The following ACTR3C variants were observed in gnomAD, a reference collection of about 807,000 sequenced individuals.
ACTR3C encodes actin-related protein 3C.
ACTR3C carries 18 observed loss-of-function variants against 26.3 expected under a neutral mutation model. The observed-to-expected ratio is 0.68, with a 90% confidence interval of 0.47 to 1.01. The LOEUF (loss-of-function observed/expected upper bound fraction) is 1.01. Ranked by LOEUF, ACTR3C falls within the 50% of genes least tolerant of loss-of-function variation. The pLI is 0.00. For synonymous variants in ACTR3C, 55 were observed against 94.5 expected, an observed-to-expected ratio of 0.58 and a Z score of 2.42; for missense variants, 184 against 250.7, an observed-to-expected ratio of 0.73 and a Z score of 1.80.
chr7:150,286,242 T>A, intron 5 of ACTR3C, 125 bp downstream of exon 5: 1 of 1,279,026 alleles, frequency 7.8e-7, no homozygotes, highest in Non-Finnish European at 1.1e-6. Context: ...GCATGGGGGA[T>A]GCAGAGAGAC....
At chr7:150,207,484 G>A in the ACTR3C span, among the ~76,000 whole-genome samples, 9 of 152,246 alleles carry the variant, frequency 5.9e-5, no homozygotes, top group South Asian at 2.1e-4. Flanking sequence ...AGCACGGATC[G>A]ATGCTTGCTG....
At chr7:149,992,601 C>T in the ACTR3C span, among the ~76,000 whole-genome samples, 2 of 152,190 alleles carry the variant, frequency 1.3e-5, no homozygotes, top group Non-Finnish European at 2.9e-5. Context: ...GGTGACGCAT[C>T]TCCACGTGGA....
At chr7:150,147,191 A>G in the ACTR3C span, among the ~76,000 whole-genome samples, 1 of 152,198 alleles carries the variant, frequency 6.6e-6, no homozygotes, top group African/African-American at 2.4e-5. Context: ...TGAAAATATC[A>G]TTCCCTGAAG....
chr7:150,006,245 G>A, the ACTR3C span, among the ~76,000 whole-genome samples: 1 of 134,090 alleles, frequency 7.5e-6, no homozygotes, highest in Non-Finnish European at 1.6e-5. Context: ...CGCCCAGGCT[G>A]GAGTGCAGTG....
chr7:149,946,855 G>A, the ACTR3C span, among the ~76,000 whole-genome samples: 7 of 152,260 alleles, frequency 4.6e-5, no homozygotes, highest in Non-Finnish European at 5.9e-5. Context: ...TTCAAGCGAT[G>A]CTGGGGAAAG....
chr7:150,148,514 A>G, the ACTR3C span, among the ~76,000 whole-genome samples: 1 of 152,166 alleles, frequency 6.6e-6, no homozygotes, highest in Non-Finnish European at 1.5e-5. Context: ...GCCCACTTCA[A>G]TCTACTTGCT....
At chr7:150,029,403 C>CAAA in the ACTR3C span, among the ~76,000 whole-genome samples, 1 of 41,414 alleles carries the variant, frequency 2.4e-5, no homozygotes, top group African/African-American at 9.8e-5. Context: ...TTATCAAAAA[C>CAAA]AAAAAAAAAA....
chr7:150,026,263 C>A, the ACTR3C span, among the ~76,000 whole-genome samples: 1 of 152,002 alleles, frequency 6.6e-6, no homozygotes, highest in African/African-American at 2.4e-5. Flanking sequence ...TGGTGAAATT[C>A]ATCATAACAT....
chr7:150,082,933 TC>T, the ACTR3C span, among the ~76,000 whole-genome samples: 2 of 135,410 alleles, frequency 1.5e-5, no homozygotes, highest in African/African-American at 5.8e-5. Flanking sequence ...TTCTTTTTTT[TC>T]TTTTTTTTTT....
the ACTR3C span, among the ~76,000 whole-genome samples, chr7:150,024,966 G>A: frequency 6.6e-6 from 1 of 152,088 alleles, no homozygotes; most frequent in Non-Finnish European, 1.5e-5. Context: ...GCAGCATGCT[G>A]TTAGCAAGGT....
At chr7:150,185,620 C>T in the ACTR3C span, among the ~76,000 whole-genome samples, 22,697 of 149,184 alleles carry the variant, frequency 0.15, 2,157 homozygotes, top group African/African-American at 0.32. Flanking sequence ...TCACCAATCA[C>T]CATCCATCTC....
At chr7:150,198,630 A>C in the ACTR3C span, among the ~76,000 whole-genome samples, 1 of 146,746 alleles carries the variant, frequency 6.8e-6, no homozygotes, top group Admixed American at 6.7e-5. Context: ...CTGAGAAGTG[A>C]GGAGATCCTC....
the ACTR3C span, among the ~76,000 whole-genome samples, chr7:149,924,631 G>A: frequency 2.0e-5 from 3 of 151,964 alleles, no homozygotes; most frequent in African/African-American, 7.3e-5. Flanking sequence ...AACACGTTTT[G>A]GTTTTTATTT....
At chr7:150,251,648 G>C (rs1234783535) in intron 6 of ACTR3C, among the ~76,000 whole-genome samples, 1 of 151,934 alleles carries the variant, frequency 6.6e-6, no homozygotes, top group South Asian at 2.1e-4. Context: ...ATAATAGAAT[G>C]TACATTTTCT....
At chr7:150,068,077 A>G in the ACTR3C span, among the ~76,000 whole-genome samples, 2 of 152,328 alleles carry the variant, frequency 1.3e-5, no homozygotes, top group Admixed American at 6.5e-5. Flanking sequence ...ATGTATTTAT[A>G]TTGCTTTATT....
At chr7:150,272,578 T>G (rs763415900) in intron 6 of ACTR3C, among the ~76,000 whole-genome samples, 1 of 139,520 alleles carries the variant, frequency 7.2e-6, no homozygotes, top group Non-Finnish European at 1.5e-5. Context: ...TACCAATAAA[T>G]GTATTCTTTC....
chr7:149,888,752 A>C, the ACTR3C span, among the ~76,000 whole-genome samples: 6 of 152,220 alleles, frequency 3.9e-5, no homozygotes, highest in Non-Finnish European at 8.8e-5. Context: ...TCACACCTGT[A>C]ATCCCAGCAC....
At chr7:150,295,129 G>T in intron 2 of ACTR3C, 123 bp downstream of exon 2, 2 of 1,169,276 alleles carry the variant, frequency 1.7e-6, no homozygotes, top group Non-Finnish European at 2.4e-6. Flanking sequence ...GGGGACGGGG[G>T]AGGGAGTGGA....
At chr7:150,315,853 T>C (rs543806388) in intron 1 of ACTR3C, among the ~76,000 whole-genome samples, 4 of 152,010 alleles carry the variant, frequency 2.6e-5, no homozygotes, top group Non-Finnish European at 5.9e-5. Context: ...CACTTAACGA[T>C]GTATCCTGAA....
Sources: allele counts gnomAD v4.1 joint callset (sites outside exome capture counted in the v4.1 genomes callset), GRCh38; gene constraint gnomAD v4.1.1; transcripts MANE v1.5; gene names NCBI Gene and HGNC (gene_info 2026-07-23, HGNC 2026-07-21).